The following B4GALNT4 variants were observed in gnomAD, a reference collection of about 807,000 sequenced individuals.
B4GALNT4 encodes the protein N-acetyl-beta-glucosaminyl-glycoprotein 4-beta-N-acetylgalactosaminyltransferase 1.
B4GALNT4 carries 77 observed loss-of-function variants against 110.0 expected under a neutral mutation model. The ratio of observed to expected loss-of-function variants is 0.70; its 90% CI spans 0.58 to 0.85. The LOEUF (loss-of-function observed/expected upper bound fraction) is 0.85. Among genes scored for constraint, B4GALNT4 ranks in the 40% least tolerant of loss-of-function variants. The pLI is 0.00. For missense variants in B4GALNT4, 1,575 were observed against 1,506.0 expected (o/e 1.05, Z -0.76); for synonymous variants, 785 against 655.5 (o/e 1.20, Z -3.02).
intron 1 of B4GALNT4, among the ~76,000 whole-genome samples, chr11:371,251 G>A (rs76125603): frequency 0.082 from 12,422 of 152,208 alleles, 1,304 homozygotes; most frequent in African/African-American, 0.24. Context: ...CCAGGGAGAG[G>A]GCGAGTGAGC....
rs142833372 is a variant in B4GALNT4, at chr11:373,615, C to G, written c.704+99C>G. 2.6e-6 allele frequency: 4 copies of G among 1,522,738 alleles called. No individual in the cohort carries two copies. In the Admixed American group the frequency reaches 5.0e-5, roughly 19 times the overall value. The allele number at this position is 1,522,738 out of a possible 1,614,324, so 94.3% of individuals were successfully genotyped here. ...TGTGCACACTTGCGCACACTCTGCA[C>G]GAGCACCCGCCCGGCCAAGCTGCCA... On this transcript the variant is annotated intron_variant, in intron 7 of 19. Coordinates refer to ENST00000329962, the MANE Select transcript of B4GALNT4 (RefSeq NM_178537.5).
intron 11 of B4GALNT4, 25 bp from the exon 12 acceptor site, chr11:376,049 A>T: frequency 6.2e-7 from 1 of 1,602,800 alleles, no homozygotes; most frequent in South Asian, 1.1e-5. Context: ...CCGCGCCCTG[A>T]GCCCTGCGCC....
Position 369,573 on chromosome 11 carries a change from CG to C in B4GALNT4, c.-225del, listed in dbSNP as rs1252585638. Reference sequence around the variant, plus strand: ...GAGCGCGGAGCCGGGAGCGGCCGGGCGGGGGGCACCGCGAGGAGCCGCCCCC... The same window carrying C: ...GAGCGCGGAGCCGGGAGCGGCCGGGCGGGGGCACCGCGAGGAGCCGCCCCC... On this transcript the variant is annotated 5_prime_UTR_variant, in exon 1 of 20. Transcript: ENST00000329962. Among the ~76,000 whole-genome samples, 1 of 143,786 alleles carries C rather than the reference CG, an allele frequency of 7.0e-6. No homozygotes were observed. The highest frequency in any genetic ancestry group is 1.5e-5 in the Non-Finnish European group (1 of 64,982). 94.3% of individuals were successfully genotyped at this position (143,786 alleles called of 152,430 possible).
chr11:371,688 A>G (rs953612662), intron 1 of B4GALNT4, among the ~76,000 whole-genome samples: 1 of 152,264 alleles, frequency 6.6e-6, no homozygotes, highest in Non-Finnish European at 1.5e-5. Flanking sequence ...AGGGAGGCAG[A>G]CGTGGAACAC....
intron 19 of B4GALNT4, among the ~76,000 whole-genome samples, chr11:381,437 G>A (rs1417720203): frequency 2.6e-3 from 2 of 758 alleles, no homozygotes; most frequent in African/African-American, 8.6e-3. Flanking sequence ...CTCCGCCCCC[G>A]GCCCCGGGTT....
intron 1 of B4GALNT4, among the ~76,000 whole-genome samples, chr11:370,177 G>A (rs1185727025): frequency 2.0e-5 from 3 of 151,714 alleles, no homozygotes; most frequent in Non-Finnish European, 4.4e-5. Context: ...GGTTCGGCTC[G>A]GCCCGGACGC....
intron 14 of B4GALNT4, among the ~76,000 whole-genome samples, chr11:378,164 AG>A (rs1213283800): frequency 1.3e-5 from 2 of 152,114 alleles, no homozygotes; most frequent in African/African-American, 4.8e-5. Context: ...GAGCAAAGGC[AG>A]GGGCAGAGGA....
At chr11:370,594 C>CA (rs1846600029) in intron 1 of B4GALNT4, among the ~76,000 whole-genome samples, 2 of 152,178 alleles carry the variant, frequency 1.3e-5, no homozygotes, top group South Asian at 4.1e-4. Context: ...GGGGTAGGGC[C>CA]TCCTGGAGAT....
chr11:379,258 C>G (rs539715923), intron 14 of B4GALNT4, among the ~76,000 whole-genome samples, 160 bp from the exon 15 acceptor site: 3 of 152,348 alleles, frequency 2.0e-5, no homozygotes, highest in Admixed American at 2.0e-4. Context: ...GAAGGTGGAC[C>G]TGCCTGCTGG....
rs1564866312 is a variant in B4GALNT4 at position 369,930 on chromosome 11, C to A, written c.127C>A (p.Arg43Ser). The A allele has an allele frequency of 3.3e-5, 32 of 975,136 alleles. No individual in the cohort carries two copies. Among genetic ancestry groups the A allele is most frequent in the Non-Finnish European group, 3.8e-5 (31 of 826,276 alleles). 60.4% of individuals were successfully genotyped at this position (975,136 alleles called of 1,614,324 possible). A position where few individuals can be genotyped will look rare whatever the true frequency, so the allele number is the denominator to read the frequency against. Residue 43 changes from arginine (R) to serine (S), a missense_variant, in exon 1 of 20, where the codon CGC becomes AGC. Coordinates refer to ENST00000329962, the MANE Select transcript of B4GALNT4 (RefSeq NM_178537.5). ...LGLVRQGRALRQRLGYGRDGE... is the reference protein window; with the variant it reads ...LGLVRQGRALSQRLGYGRDGE... ...CCTGGTGCGCCAGGGACGCGCGCTGCGCCAGCGCCTGGGCTACGGGCGAGG... is the reference window on the plus strand; with the variant it reads ...CCTGGTGCGCCAGGGACGCGCGCTGAGCCAGCGCCTGGGCTACGGGCGAGG...
chr11:376,057 G>GCCCC lies in B4GALNT4; in HGVS notation c.1096-13_1096-10dup. 2.5e-6 allele frequency: 4 copies of GCCCC among 1,579,360 alleles called. No homozygotes were observed. Among genetic ancestry groups the GCCCC allele is most frequent in the East Asian group, 2.2e-5 (1 of 44,630 alleles). ...GGGAGGTCCGCGCCCTGAGCCCTGC[G>GCCCC]CCCCCCCACCCCCCAGGTGTACCTG... On this transcript the variant is annotated splice_polypyrimidine_tract_variant and intron_variant, in intron 11 of 19. Coordinates refer to ENST00000329962, the MANE Select transcript of B4GALNT4 (RefSeq NM_178537.5).
chr11:372,259 C>G (rs551219016), intron 2 of B4GALNT4, 47 bp downstream of exon 2: 4 of 1,512,622 alleles, frequency 2.6e-6, no homozygotes, highest in Non-Finnish European at 3.6e-6. Context: ...GACGAGACCC[C>G]GAAGCCACTT....
chr11:369,685 T>C lies in B4GALNT4; in HGVS notation c.-119T>C, dbSNP rs1846574015. 4.5e-6 allele frequency: 2 copies of C among 443,116 alleles called. No individual in the cohort carries two copies. The highest frequency in any genetic ancestry group is 2.9e-6 in the Non-Finnish European group (1 of 341,374). The allele number at this position is 443,116 out of a possible 1,614,324, so 27.4% of individuals were successfully genotyped here. A position where few individuals can be genotyped will look rare whatever the true frequency, so the allele number is the denominator to read the frequency against. ...GCCGCGCACGGCGGACAAAGGACCA[T>C]GCGGGGCCGCGGGCGCTGAGCGCGG... On this transcript the variant is annotated 5_prime_UTR_variant, in exon 1 of 20. An upstream start codon of the reference 5' UTR is lost. Coordinates refer to ENST00000329962, the MANE Select transcript of B4GALNT4 (RefSeq NM_178537.5).
chr11:372,822 G>T (rs374174206), intron 3 of B4GALNT4, 30 bp from the exon 4 acceptor site: 2 of 1,569,636 alleles, frequency 1.3e-6, no homozygotes, highest in Admixed American at 3.7e-5. Context: ...GCGGCGGGCC[G>T]TGCAGAAGGT....
intron 4 of B4GALNT4, 22 bp from the exon 5 acceptor site, chr11:373,004 G>A: frequency 1.2e-6 from 2 of 1,612,526 alleles, no homozygotes; most frequent in Non-Finnish European, 1.7e-6. Context: ...GGCTTCGACA[G>A]CAACAGTCAC....
chr11:379,424 C>G lies in B4GALNT4; in HGVS notation c.2211C>G (p.Phe737Leu). 1 of 1,516,644 alleles carries G rather than the reference C, an allele frequency of 6.6e-7. No homozygotes were observed. The highest frequency in any genetic ancestry group is 8.8e-7 in the Non-Finnish European group (1 of 1,140,790). 93.9% of individuals were successfully genotyped at this position (1,516,644 alleles called of 1,614,324 possible). A position where few individuals can be genotyped will look rare whatever the true frequency, so the allele number is the denominator to read the frequency against. ...ERLNARHGGR[F>L]ALLRIVNVEK... ...TGACCGCTGAGCCTTGCAGGCGCTTCGCGCTTCTGCGCATCGTGAACGTGG... is the reference window on the plus strand; with the variant it reads ...TGACCGCTGAGCCTTGCAGGCGCTTGGCGCTTCTGCGCATCGTGAACGTGG... The change falls in exon 15 of 20, where the codon TTC becomes TTG. Residue 737 changes from phenylalanine (F) to leucine (L), a missense_variant. Phe to Leu is a conservative substitution (Grantham distance 22, BLOSUM62 0). Coordinates refer to ENST00000329962, the MANE Select transcript of B4GALNT4 (RefSeq NM_178537.5).
Position 376,715 on chromosome 11 carries a change from G to A in B4GALNT4, c.1592G>A (p.Arg531Gln), listed in dbSNP as rs574252896. ...CCAAAGGTGTACGTGACCAGGGTGC[G>A]GCCGGGACAGCGGGCATCCCCCCGG... ...PPPKVYVTRV[R>Q]PGQRASPRAP... Residue 531 changes from arginine (R) to glutamine (Q), a missense_variant, in exon 14 of 20, where the codon CGG becomes CAG. Coordinates refer to ENST00000329962, the MANE Select transcript of B4GALNT4 (RefSeq NM_178537.5). 2.1e-6 allele frequency: 3 copies of A among 1,408,658 alleles called. No individual in the cohort carries two copies. The highest frequency in any genetic ancestry group is 3.2e-5 in the Admixed American group (1 of 31,666). 87.3% of individuals were successfully genotyped at this position (1,408,658 alleles called of 1,614,324 possible). A position where few individuals can be genotyped will look rare whatever the true frequency, so the allele number is the denominator to read the frequency against.
chr11:376,286 A>C lies in B4GALNT4; in HGVS notation c.1232A>C (p.Glu411Ala). Reference sequence around the variant, plus strand: ...TATAAATACATGAAGATGGACAAGGAGGAGGGGGATGAGGATGAAGAAGAC... The same window carrying C: ...TATAAATACATGAAGATGGACAAGGCGGAGGGGGATGAGGATGAAGAAGAC... ...GFYKYMKMDK[E>A]EGDEDEEDEV... Residue 411 changes from glutamate to alanine, a missense_variant, in exon 13 of 20, where the codon GAG becomes GCG. By Grantham distance (107) the Glu-to-Ala change is moderately radical (BLOSUM62 -1). Transcript: ENST00000329962. The C allele has an allele frequency of 6.2e-7, 1 of 1,610,354 alleles. No homozygotes were observed. The highest frequency in any genetic ancestry group is 1.1e-5 in the South Asian group (1 of 90,990).
chr11:379,289 G>T, intron 14 of B4GALNT4, 129 bp from the exon 15 acceptor site: 1 of 1,045,732 alleles, frequency 9.6e-7, no homozygotes. Context: ...AGGGGCAGGT[G>T]CTGTGCCGCG....
Sources: allele counts gnomAD v4.1 joint callset (sites outside exome capture counted in the v4.1 genomes callset), GRCh38; gene constraint gnomAD v4.1.1; transcripts MANE v1.5; gene names NCBI Gene and HGNC (gene_info 2026-07-23, HGNC 2026-07-21).